The following TNS3 variants were observed in gnomAD, a reference collection of about 807,000 sequenced individuals.
TNS3 encodes the protein tensin 3.
In TNS3, 45 loss-of-function variants were observed where a neutral mutation model predicts 140.9. That is an observed-to-expected ratio of 0.32 (90% CI 0.25 to 0.41). The LOEUF (loss-of-function observed/expected upper bound fraction) is 0.41. TNS3 is among the 10% of genes least tolerant of loss of function. The pLI is 1.00. For synonymous variants in TNS3, 815 were observed against 788.4 expected (o/e 1.03, Z -0.56); for missense variants, 1,716 against 1,906.7 (o/e 0.90, Z 1.86).
chr7:47,442,104 T>G (rs1795494964), intron 4 of TNS3, 49 bp from the exon 5 acceptor site: 1 of 1,185,408 alleles, frequency 8.4e-7, no homozygotes, highest in African/African-American at 1.6e-5. Context: ...TTCCTGCCAG[T>G]CTACATGACA....
At chr7:47,574,946 C>T (rs2347993) in intron 1 of TNS3, among the ~76,000 whole-genome samples, 133,650 of 152,066 alleles carry the variant, frequency 0.88, 61,413 homozygotes, top group East Asian at 1. Flanking sequence ...GTGGTGATGG[C>T]TGCACAACGT....
At chr7:47,387,864 C>T (rs188389092) in intron 16 of TNS3, among the ~76,000 whole-genome samples, 49 of 152,362 alleles carry the variant, frequency 3.2e-4, no homozygotes, top group Non-Finnish European at 5.1e-4. Flanking sequence ...GAGGAAGAGA[C>T]TCTGCTTTTC....
At chr7:47,519,155 C>T (rs1333472477) in intron 2 of TNS3, among the ~76,000 whole-genome samples, 1 of 152,116 alleles carries the variant, frequency 6.6e-6, no homozygotes, top group Non-Finnish European at 1.5e-5. Flanking sequence ...CGTCTCAGGG[C>T]GCCAGCTCCC....
intron 17 of TNS3, among the ~76,000 whole-genome samples, chr7:47,366,999 C>T (rs1453512594): frequency 1.3e-5 from 2 of 152,196 alleles, no homozygotes; most frequent in Non-Finnish European, 2.9e-5. Context: ...AGCCAGCAGC[C>T]CCCAGATGGC....
rs1017904033 is a variant in TNS3 at position 47,416,030 on chromosome 7, G to A, written c.474-824C>T. On this transcript the variant is annotated intron_variant, in intron 10 of 30. Transcript: ENST00000311160. ...CCTGCCTGTTGGTGCCCTGCCTGGC[G>A]TGGCCCCTGCCCTGAGGTCCCTCAC... Among the ~76,000 whole-genome samples, 12 of 152,320 alleles carry A rather than the reference G, an allele frequency of 7.9e-5. 1 individual carries two copies. Among genetic ancestry groups the A allele is most frequent in the African/African-American group, 1.4e-4 (6 of 41,572 alleles).
At chr7:47,552,425 T>TA (rs1306397618) in intron 1 of TNS3, among the ~76,000 whole-genome samples, 3 of 152,348 alleles carry the variant, frequency 2.0e-5, no homozygotes, top group East Asian at 3.9e-4. Context: ...CAGTTTTTTT[T>TA]AACAAACTAA....
chr7:47,528,168 A>G (rs946947926), intron 2 of TNS3, among the ~76,000 whole-genome samples: 4 of 152,190 alleles, frequency 2.6e-5, no homozygotes, highest in African/African-American at 9.7e-5. Flanking sequence ...TTTGAACTGT[A>G]AAAGAATCCC....
chr7:47,492,340 G>A (rs373749631), intron 3 of TNS3, among the ~76,000 whole-genome samples: 46 of 152,216 alleles, frequency 3.0e-4, no homozygotes, highest in Non-Finnish European at 6.3e-4. Flanking sequence ...GCCGCATATC[G>A]GCAGGCTGCC....
At chr7:47,580,038 A>T (rs1006174529) in intron 1 of TNS3, 2 of 141,538 alleles carry the variant, frequency 1.4e-5, no homozygotes, top group African/African-American at 4.9e-5. Flanking sequence ...ATTCAGGAAT[A>T]AGTAGTGCCC....
chr7:47,447,248 A>ATGTT (rs3037478), intron 4 of TNS3, among the ~76,000 whole-genome samples: 29,570 of 149,028 alleles, frequency 0.2, 3,441 homozygotes, highest in African/African-American at 0.31. Context: ...GGTTCCACAT[A>ATGTT]TGTTTGTTTG....
chr7:47,423,746 G>C (rs1794501386), intron 10 of TNS3, among the ~76,000 whole-genome samples: 1 of 152,246 alleles, frequency 6.6e-6, no homozygotes, highest in African/African-American at 2.4e-5. Flanking sequence ...GTCCGTTGCA[G>C]AGATAGTTCA....
intron 20 of TNS3, among the ~76,000 whole-genome samples, chr7:47,332,446 G>T (rs1788394049): frequency 6.6e-6 from 1 of 152,194 alleles, no homozygotes; most frequent in African/African-American, 2.4e-5. Context: ...AAGCAGCGAG[G>T]AGGAGACAAG....
chr7:47,398,198 C>A (rs986766143), intron 15 of TNS3, among the ~76,000 whole-genome samples: 7 of 151,992 alleles, frequency 4.6e-5, no homozygotes, highest in Non-Finnish European at 8.8e-5. Context: ...GAGCCCAGGG[C>A]CAGATGGATT....
chr7:47,436,984 C>T (rs1795215738), intron 7 of TNS3, among the ~76,000 whole-genome samples: 1 of 152,194 alleles, frequency 6.6e-6, no homozygotes, highest in Non-Finnish European at 1.5e-5. Context: ...CCAATGCCAA[C>T]TTCCTGACCT....
intron 1 of TNS3, among the ~76,000 whole-genome samples, 162 bp downstream of exon 1, chr7:47,581,887 ACT>A (rs1784544393): frequency 7.2e-6 from 1 of 139,312 alleles, no homozygotes; most frequent in Non-Finnish European, 1.6e-5. Context: ...CGCTCCCCGA[ACT>A]CTGTCTCCGC....
chr7:47,542,455 C>A (rs970077579), intron 1 of TNS3, among the ~76,000 whole-genome samples: 1 of 152,172 alleles, frequency 6.6e-6, no homozygotes, highest in Non-Finnish European at 1.5e-5. Flanking sequence ...CCCTGATTCC[C>A]GATTCCTAGC....
chr7:47,285,961 G>A (rs1335373597), intron 27 of TNS3, among the ~76,000 whole-genome samples: 1 of 152,222 alleles, frequency 6.6e-6, no homozygotes, highest in Admixed American at 6.5e-5. Context: ...CGTCTGCTAT[G>A]ATTAGAACGG....
intron 27 of TNS3, among the ~76,000 whole-genome samples, chr7:47,286,574 A>G (rs1405159880): frequency 6.6e-6 from 1 of 152,154 alleles, no homozygotes; most frequent in Non-Finnish European, 1.5e-5. Flanking sequence ...CACCAGACCC[A>G]TGGCATGGAG....
intron 17 of TNS3, among the ~76,000 whole-genome samples, chr7:47,350,084 C>T (rs1412884460): frequency 6.6e-6 from 1 of 152,194 alleles, no homozygotes; most frequent in Non-Finnish European, 1.5e-5. Flanking sequence ...GGTCACTCTT[C>T]CTTACCCACT....
Sources: allele counts gnomAD v4.1 joint callset (sites outside exome capture counted in the v4.1 genomes callset), GRCh38; gene constraint gnomAD v4.1.1; transcripts MANE v1.5; gene names NCBI Gene and HGNC (gene_info 2026-07-23, HGNC 2026-07-21).